Variants in ERBB4 observed in about 807,000 individuals in gnomAD.
The protein encoded by ERBB4 is erb-b2 receptor tyrosine kinase 4, also known as receptor tyrosine-protein kinase erbB-4.
A neutral mutation model predicts 158.0 loss-of-function variants in ERBB4; 42 were observed. The observed-to-expected ratio is 0.27, with a 90% CI of 0.21 to 0.34. ERBB4 has a LOEUF of 0.34. Ranked by LOEUF, ERBB4 falls within the 10% of genes least tolerant of loss-of-function variation. ERBB4 has a pLI of 1.00. For synonymous variants in ERBB4, 583 were observed against 558.7 expected, an observed-to-expected ratio of 1.04 and a Z score of -0.61; for missense variants, 1,333 against 1,624.1, an observed-to-expected ratio of 0.82 and a Z score of 3.08.
intron 1 of ERBB4, among the ~76,000 whole-genome samples, chr2:212,505,472 T>G (rs1399479541): frequency 8.0e-6 from 1 of 124,402 alleles, no homozygotes; most frequent in Non-Finnish European, 2.0e-5. Flanking sequence ...TAAAAACTCT[T>G]TGTAAGCAGG....
intron 8 of ERBB4, 103 bp from the exon 9 acceptor site, chr2:211,712,279 A>T: frequency 9.2e-7 from 1 of 1,091,482 alleles, no homozygotes; most frequent in Non-Finnish European, 1.4e-6. Flanking sequence ...TAATTGTAAC[A>T]TATAAAATAT....
chr2:212,063,126 TGTTAA>T (rs1287760225), intron 2 of ERBB4, among the ~76,000 whole-genome samples: 1 of 152,208 alleles, frequency 6.6e-6, no homozygotes, highest in Non-Finnish European at 1.5e-5. Context: ...AATTTAGTTT[TGTTAA>T]CTTTTTGCAT....
intron 1 of ERBB4, among the ~76,000 whole-genome samples, chr2:212,237,834 G>A (rs950118350): frequency 5.9e-5 from 9 of 152,210 alleles, no homozygotes; most frequent in Non-Finnish European, 1.2e-4. Flanking sequence ...GGCTGCAGAG[G>A]ACTGTGCCCA....
At chr2:211,586,986 A>C (rs753068221) in intron 19 of ERBB4, among the ~76,000 whole-genome samples, 3 of 152,138 alleles carry the variant, frequency 2.0e-5, no homozygotes, top group Non-Finnish European at 4.4e-5. Context: ...ATGCTCCTCA[A>C]CTTATGATTG....
chr2:211,678,307 A>C (rs150234292), intron 13 of ERBB4, among the ~76,000 whole-genome samples: 59,071 of 98,370 alleles, frequency 0.6, 12,434 homozygotes, highest in Non-Finnish European at 0.64. Context: ...AAACAAAAAA[A>C]AACAAACAAA....
At chr2:211,399,862 A>G (rs538583925) in intron 25 of ERBB4, among the ~76,000 whole-genome samples, 2 of 152,252 alleles carry the variant, frequency 1.3e-5, no homozygotes, top group Non-Finnish European at 1.5e-5. Context: ...GACCTTGTAG[A>G]TAAACCAACT....
chr2:211,572,615 G>A (rs1292287477), intron 19 of ERBB4, among the ~76,000 whole-genome samples: 4 of 152,148 alleles, frequency 2.6e-5, no homozygotes, highest in African/African-American at 4.8e-5. Flanking sequence ...CACAGCTGCC[G>A]TCAATTTGAG....
intron 1 of ERBB4, among the ~76,000 whole-genome samples, chr2:212,315,676 T>TC (rs2087241377): frequency 1.3e-5 from 2 of 151,406 alleles, no homozygotes; most frequent in Admixed American, 1.3e-4. Flanking sequence ...TTTGGTTTTT[T>TC]ACATGGTCTG....
intron 20 of ERBB4, among the ~76,000 whole-genome samples, chr2:211,502,698 T>C (rs2065647407): frequency 6.6e-6 from 1 of 152,150 alleles, no homozygotes; most frequent in African/African-American, 2.4e-5. Context: ...TACAATGTGA[T>C]GATATTGATT....
chr2:211,645,368 T>C (rs180679555), intron 16 of ERBB4, among the ~76,000 whole-genome samples: 2 of 151,820 alleles, frequency 1.3e-5, no homozygotes, highest in East Asian at 1.9e-4. Flanking sequence ...ATTCTATAAA[T>C]ATTATTTATA....
At chr2:212,346,302 A>G (rs892887900) in intron 1 of ERBB4, among the ~76,000 whole-genome samples, 4 of 78,976 alleles carry the variant, frequency 5.1e-5, no homozygotes, top group Non-Finnish European at 8.5e-5. Flanking sequence ...TATTTCCTCA[A>G]TGATGGCCCC....
At chr2:211,874,957 G>T (rs1421590462) in intron 3 of ERBB4, among the ~76,000 whole-genome samples, 1 of 136,762 alleles carries the variant, frequency 7.3e-6, no homozygotes, top group Non-Finnish European at 1.5e-5. Flanking sequence ...CAATATGTGC[G>T]CTGTATTTCT....
chr2:211,590,589 C>G (rs1219371721), intron 19 of ERBB4, among the ~76,000 whole-genome samples: 1 of 152,080 alleles, frequency 6.6e-6, no homozygotes, highest in Non-Finnish European at 1.5e-5. Flanking sequence ...TCACCTTCGA[C>G]CCAAACAACC....
chr2:211,546,664 T>C (rs992933187), intron 20 of ERBB4, among the ~76,000 whole-genome samples: 9 of 152,110 alleles, frequency 5.9e-5, no homozygotes, highest in African/African-American at 1.7e-4. Flanking sequence ...TACTACCTGT[T>C]TGGTGTTGCA....
chr2:212,003,606 C>T (rs972586625), intron 2 of ERBB4, among the ~76,000 whole-genome samples: 3 of 152,028 alleles, frequency 2.0e-5, no homozygotes, highest in Non-Finnish European at 2.9e-5. Flanking sequence ...TCCTCCCCAC[C>T]GTATTGCACA....
intron 19 of ERBB4, among the ~76,000 whole-genome samples, chr2:211,569,445 C>A (rs1445179565): frequency 1.3e-5 from 2 of 152,170 alleles, no homozygotes; most frequent in Non-Finnish European, 2.9e-5. Context: ...AGCTTTCATT[C>A]TACCTGGAGA....
chr2:212,163,787 C>T lies in ERBB4; in HGVS notation c.83-38884G>A, dbSNP rs183520263. 2.7e-3 allele frequency among the ~76,000 whole-genome samples: 415 copies of T among 151,876 alleles called. 1 individual carries two copies. Among genetic ancestry groups the T allele is most frequent in the Non-Finnish European group, 3.0e-3 (201 of 67,894 alleles). ...GAAAAGACCTTTTGTGCATGACATACTGATCAATTTTTTGTTTTTGTTTGA... is the reference window on the plus strand; with the variant it reads ...GAAAAGACCTTTTGTGCATGACATATTGATCAATTTTTTGTTTTTGTTTGA... On this transcript the variant is annotated intron_variant, in intron 1 of 27. Coordinates refer to ENST00000342788, the MANE Select transcript of ERBB4 (RefSeq NM_005235.3).
At chr2:212,261,825 TATAAA>T (rs1227054826) in intron 1 of ERBB4, among the ~76,000 whole-genome samples, 3 of 152,168 alleles carry the variant, frequency 2.0e-5, no homozygotes, top group South Asian at 4.1e-4. Flanking sequence ...CATTTTGTAT[TATAAA>T]AGAAAAGTTA....
intron 1 of ERBB4, among the ~76,000 whole-genome samples, chr2:212,431,734 T>A (rs1382881622): frequency 6.6e-6 from 1 of 152,182 alleles, no homozygotes; most frequent in Non-Finnish European, 1.5e-5. Flanking sequence ...TGTTAACTGT[T>A]TCCTTGAACT....
Sources: gnomAD v4.1 joint callset for allele counts (sites outside exome capture counted in the v4.1 genomes callset) on GRCh38, gnomAD v4.1.1 for gene constraint, MANE v1.5 for transcripts, NCBI Gene and HGNC (gene_info 2026-07-23, HGNC 2026-07-21) for gene names.